SORBS2: variants seen among roughly 807,000 people sequenced by gnomAD.
SORBS2 encodes sorbin and SH3 domain containing 2.
SORBS2 carries 46 observed loss-of-function variants against 97.7 expected under a neutral mutation model. The observed-to-expected ratio is 0.47, with a 90% CI of 0.37 to 0.60. The LOEUF (loss-of-function observed/expected upper bound fraction) is 0.60. Among genes scored for constraint, SORBS2 ranks in the 20% least tolerant of loss-of-function variants. The pLI is 0.00. For missense variants in SORBS2, 1,316 were observed against 1,282.3 expected (o/e 1.03, Z -0.40); for synonymous variants, 476 against 473.4 (o/e 1.01, Z -0.07).
chr4:185,802,652 C>T (rs2099136240), intron 1 of SORBS2, among the ~76,000 whole-genome samples: 2 of 152,204 alleles, frequency 1.3e-5, no homozygotes. Context: ...GCCCATCTAC[C>T]AGGAGGGGAA....
chr4:185,899,527 G>A (rs2099246566), intron 1 of SORBS2, among the ~76,000 whole-genome samples: 1 of 152,034 alleles, frequency 6.6e-6, no homozygotes, highest in South Asian at 2.1e-4. Flanking sequence ...CTGGGTTTAA[G>A]CGATCCTCCC....
chr4:185,905,416 T>A (rs913016344), intron 1 of SORBS2, among the ~76,000 whole-genome samples: 1 of 152,216 alleles, frequency 6.6e-6, no homozygotes, highest in African/African-American at 2.4e-5. Context: ...CTGTATTATT[T>A]TTATACAGAG....
At chr4:185,934,468 A>C (rs925547040) in intron 1 of SORBS2, among the ~76,000 whole-genome samples, 1 of 152,156 alleles carries the variant, frequency 6.6e-6, no homozygotes, top group Non-Finnish European at 1.5e-5. Context: ...ATTAAAGAAC[A>C]AAAAAATTTT....
intron 1 of SORBS2, among the ~76,000 whole-genome samples, chr4:185,901,371 T>C (rs925384683): frequency 4.6e-5 from 7 of 151,930 alleles, no homozygotes; most frequent in African/African-American, 1.7e-4. Context: ...GTCGGCTAAT[T>C]TTTTGTATTT....
exon 1 of SORBS2, chr4:185,956,357 A>G (rs909237491): frequency 2.0e-5 from 3 of 152,180 alleles, no homozygotes; most frequent in East Asian, 1.9e-4. Context: ...GTGTTCATCC[A>G]CAATAAAAGG....
At chr4:185,786,614 A>C (rs1380391756) in intron 1 of SORBS2, among the ~76,000 whole-genome samples, 3 of 152,222 alleles carry the variant, frequency 2.0e-5, no homozygotes, top group Admixed American at 2.0e-4. Context: ...ATGGCAAGCC[A>C]TGTCACTTTA....
intron 1 of SORBS2, among the ~76,000 whole-genome samples, chr4:185,885,874 C>T (rs2099239151): frequency 6.6e-6 from 1 of 152,186 alleles, no homozygotes. Context: ...TTTAAGCTTC[C>T]ATAAAGTAAG....
intron 2 of SORBS2, among the ~76,000 whole-genome samples, chr4:185,719,748 T>G (rs1562107973): frequency 6.6e-6 from 1 of 152,228 alleles, no homozygotes; most frequent in Non-Finnish European, 1.5e-5. Context: ...AGCCCTAGCA[T>G]AATGCAATAG....
chr4:185,624,210 C>T, exon 7 of SORBS2: 1 of 1,614,214 alleles, frequency 6.2e-7, no homozygotes, highest in Non-Finnish European at 8.5e-7. Context: ...CCCATGCTTT[C>T]CGACTTGACT....
chr4:185,873,377 C>A (rs1368669192), intron 1 of SORBS2, among the ~76,000 whole-genome samples: 1 of 152,176 alleles, frequency 6.6e-6, no homozygotes, highest in East Asian at 1.9e-4. Context: ...GCCAATAGAT[C>A]CTGCCTTACT....
At chr4:185,908,311 ATATATATATATTTG>A (rs2099252712) in intron 1 of SORBS2, among the ~76,000 whole-genome samples, 1 of 135,218 alleles carries the variant, frequency 7.4e-6, no homozygotes, top group African/African-American at 2.6e-5. Context: ...ATATATATAT[ATATATATATATTTG>A]TATACACACA....
At chr4:185,879,956 G>A (rs2099236044) in intron 1 of SORBS2, among the ~76,000 whole-genome samples, 1 of 152,164 alleles carries the variant, frequency 6.6e-6, no homozygotes, top group Non-Finnish European at 1.5e-5. Flanking sequence ...TCCGGGACAC[G>A]GCAGTTGTGA....
In SORBS2 at chr4:185,791,490, G is replaced by A. The variant is rs1039301857; in HGVS notation, c.-337-16124C>T. Among the ~76,000 whole-genome samples, 6 of 152,184 alleles carry A rather than the reference G, an allele frequency of 3.9e-5. No individual in the cohort carries two copies. In the East Asian group the frequency reaches 1.2e-3, roughly 29 times the overall value. On this transcript the variant is annotated intron_variant, in intron 1 of 20. Transcript: ENST00000284776. ...GGAGAAAAGTGAATGATGGAATAAT[G>A]GACGTACAAAGCCAGCCAAGGTGAG...
At position 185,820,244 on chromosome 4, in the gene SORBS2, C is replaced by T. The variant is rs184515946; in HGVS notation, c.-337-44878G>A. On this transcript the variant is annotated intron_variant, in intron 1 of 20. Coordinates refer to the SORBS2 transcript ENST00000284776. The stretch of plus-strand genomic sequence containing the variant: ...GCAAAGGAGAAACAGGCACTAGTGT[C>T]ATCAGTGGGAACTTATCGCAGGCTC... Among the ~76,000 whole-genome samples, 1,056 of 152,322 alleles carry T rather than the reference C, an allele frequency of 6.9e-3. 10 individuals carry two copies. Among genetic ancestry groups the T allele is most frequent in the Admixed American group, 0.029 (450 of 15,304 alleles).
At chr4:185,865,265 G>A (rs954604739) in intron 1 of SORBS2, among the ~76,000 whole-genome samples, 1 of 152,192 alleles carries the variant, frequency 6.6e-6, no homozygotes, top group Non-Finnish European at 1.5e-5. Context: ...GGTGACAACA[G>A]CGCACCGCGG....
intron 2 of SORBS2, among the ~76,000 whole-genome samples, chr4:185,716,338 C>T (rs1423994394): frequency 6.6e-6 from 1 of 152,204 alleles, no homozygotes; most frequent in African/African-American, 2.4e-5. Flanking sequence ...CACATTTCCT[C>T]CTCTAGAAAC....
At position 185,831,021 on chromosome 4, in the gene SORBS2, T is replaced by C. The variant is rs377216693; in HGVS notation, c.-337-55655A>G. The stretch of plus-strand genomic sequence containing the variant: ...ACTCTTCCTTATTTGGGCGCTATTC[T>C]AATTCCTCCATTCAACACGGTGTTT... On this transcript the variant is annotated intron_variant, in intron 1 of 20. Coordinates refer to the SORBS2 transcript ENST00000284776. Among the ~76,000 whole-genome samples the C allele has an allele frequency of 1.4e-3, 216 of 152,346 alleles. 6 individuals are homozygous for C. In the South Asian group the frequency reaches 0.042, roughly 29 times the overall value.
chr4:185,902,997 G>T, intron 1 of SORBS2, among the ~76,000 whole-genome samples: 1 of 152,180 alleles, frequency 6.6e-6, no homozygotes, highest in Non-Finnish European at 1.5e-5. Context: ...TTCCTCATCT[G>T]TGAACTGAGA....
intron 1 of SORBS2, among the ~76,000 whole-genome samples, chr4:185,936,035 A>G (rs2099268781): frequency 6.6e-6 from 1 of 152,064 alleles, no homozygotes. Flanking sequence ...TGTTTTTTGT[A>G]AAGATGAGGT....
Sources: gnomAD v4.1 joint callset for allele counts (sites outside exome capture counted in the v4.1 genomes callset) on GRCh38, gnomAD v4.1.1 for gene constraint, MANE v1.5 for transcripts, NCBI Gene and HGNC (gene_info 2026-07-23, HGNC 2026-07-21) for gene names.